The following GRID2 variants were observed in gnomAD, a reference collection of about 807,000 sequenced individuals.
GRID2 encodes glutamate ionotropic receptor delta type subunit 2.
A neutral mutation model predicts 114.8 loss-of-function variants in GRID2; 33 were observed. The observed-to-expected ratio is 0.29, with a 90% CI of 0.22 to 0.38. The LOEUF (loss-of-function observed/expected upper bound fraction) is 0.38. GRID2 is among the 10% of genes least tolerant of loss of function. The pLI, the probability that GRID2 is intolerant of heterozygous loss-of-function variation, is 1.00. For missense variants in GRID2, 1,184 were observed against 1,257.7 expected, an observed-to-expected ratio of 0.94 and a Z score of 0.89; for synonymous variants, 505 against 449.9, an observed-to-expected ratio of 1.12 and a Z score of -1.55.
At chr4:93,479,494 G>T (rs184847675) in intron 11 of GRID2, among the ~76,000 whole-genome samples, 205 of 152,178 alleles carry the variant, frequency 1.3e-3, no homozygotes, top group African/African-American at 4.7e-3. Flanking sequence ...GCAACCTAGA[G>T]ATTCTGAAAC....
chr4:92,656,201 G>A (rs1217268426), intron 2 of GRID2, among the ~76,000 whole-genome samples: 1 of 151,644 alleles, frequency 6.6e-6, no homozygotes, highest in Non-Finnish European at 1.5e-5. Flanking sequence ...ACACTGACTA[G>A]CTTTTGTATT....
chr4:93,072,605 T>A (rs2149306749), intron 2 of GRID2, among the ~76,000 whole-genome samples: 1 of 152,024 alleles, frequency 6.6e-6, no homozygotes, highest in East Asian at 1.9e-4. Flanking sequence ...TTTATGTGGA[T>A]TTTTTCAATA....
At chr4:92,986,326 TAAAG>T (rs1052859151) in intron 2 of GRID2, among the ~76,000 whole-genome samples, 3 of 152,132 alleles carry the variant, frequency 2.0e-5, no homozygotes, top group East Asian at 1.9e-4. Flanking sequence ...ATATTTTCAA[TAAAG>T]AGTCTATTTT....
Position 92,837,043 on chromosome 4 carries a change from C to T in GRID2, c.244+246757C>T, listed in dbSNP as rs144331081. ...CTGCACAGAAGGCCAATGACTGAGA[C>T]TGTGAGAGTATTGCCAAGGAAGTGC... On this transcript the variant is annotated intron_variant, in intron 2 of 15. Coordinates refer to ENST00000282020, the MANE Select transcript of GRID2 (RefSeq NM_001510.4). Among the ~76,000 whole-genome samples, 874 of 152,180 alleles carry T rather than the reference C, an allele frequency of 5.7e-3. 16 individuals carry two copies. Among genetic ancestry groups the T allele is most frequent in the African/African-American group, 0.02 (831 of 41,536 alleles).
At chr4:92,693,179 A>G (rs1012728595) in intron 2 of GRID2, among the ~76,000 whole-genome samples, 2 of 152,068 alleles carry the variant, frequency 1.3e-5, no homozygotes, top group Admixed American at 6.6e-5. Context: ...AGACTTCAAA[A>G]TGGAAACAAC....
chr4:92,358,992 A>C (rs1395871547), intron 1 of GRID2, among the ~76,000 whole-genome samples: 1 of 151,982 alleles, frequency 6.6e-6, no homozygotes, highest in African/African-American at 2.4e-5. Context: ...AAAGCCTTAC[A>C]TAGGCAACAT....
At chr4:92,438,668 T>C (rs1191116285) in intron 1 of GRID2, among the ~76,000 whole-genome samples, 1 of 152,064 alleles carries the variant, frequency 6.6e-6, no homozygotes, top group Non-Finnish European at 1.5e-5. Context: ...CAACTCTTCG[T>C]TGGCTACCAT....
At chr4:92,413,644 G>A (rs1234626521) in intron 1 of GRID2, among the ~76,000 whole-genome samples, 1 of 152,108 alleles carries the variant, frequency 6.6e-6, no homozygotes, top group Non-Finnish European at 1.5e-5. Flanking sequence ...ATTCCAAAAG[G>A]ATGGGATGAG....
At chr4:92,347,832 G>C (rs373625396) in intron 1 of GRID2, among the ~76,000 whole-genome samples, 1 of 152,040 alleles carries the variant, frequency 6.6e-6, no homozygotes, top group Non-Finnish European at 1.5e-5. Flanking sequence ...TCATACATTA[G>C]TGCATTAATA....
chr4:92,744,911 A>C lies in GRID2; in HGVS notation c.244+154625A>C, dbSNP rs556194609. Among the ~76,000 whole-genome samples, 19 of 152,266 alleles carry C rather than the reference A, an allele frequency of 1.2e-4. No individual in the cohort carries two copies. The East Asian group carries it at 2.9e-3, about 23-fold the overall frequency. ...GTCTGGGTACAGTGCTTTGTAGCAA[A>C]GGGAAGGGCTAATTTAGCACTGTTG... On this transcript the variant is annotated intron_variant, in intron 2 of 15. Coordinates refer to ENST00000282020, the MANE Select transcript of GRID2 (RefSeq NM_001510.4).
At chr4:92,473,964 TTGTGTGTGTGTGTG>T (rs59328379) in intron 1 of GRID2, among the ~76,000 whole-genome samples, 157 of 144,438 alleles carry the variant, frequency 1.1e-3, no homozygotes, top group African/African-American at 3.8e-3. Context: ...GTTATCTTGG[TTGTGTGTGTGTGTG>T]TGTGTGTGTG....
At chr4:92,642,622 TTTG>T (rs910998429) in intron 2 of GRID2, among the ~76,000 whole-genome samples, 8 of 151,734 alleles carry the variant, frequency 5.3e-5, no homozygotes, top group Admixed American at 1.3e-4. Context: ...TGTTGTTGTT[TTTG>T]TTGTTTTTTT....
intron 2 of GRID2, among the ~76,000 whole-genome samples, chr4:93,013,244 G>A (rs148091032): frequency 6.6e-6 from 1 of 152,090 alleles, no homozygotes; most frequent in African/African-American, 2.4e-5. Context: ...GGATGATCTC[G>A]AGAGATGGTA....
chr4:93,359,770 G>C (rs1269774025), intron 8 of GRID2, among the ~76,000 whole-genome samples: 2 of 129,918 alleles, frequency 1.5e-5, no homozygotes, highest in African/African-American at 2.8e-5. Context: ...ATCATGGATA[G>C]CGCTACTGTT....
At chr4:92,875,871 A>T (rs763744215) in intron 2 of GRID2, among the ~76,000 whole-genome samples, 2 of 152,202 alleles carry the variant, frequency 1.3e-5, no homozygotes, top group Non-Finnish European at 1.5e-5. Context: ...AAGACTTACA[A>T]CATGTGTAAG....
chr4:93,005,920 C>T (rs1048037889), intron 2 of GRID2, among the ~76,000 whole-genome samples: 17 of 152,074 alleles, frequency 1.1e-4, no homozygotes, highest in Admixed American at 2.0e-4. Context: ...TTACATCTCC[C>T]ATTTTAACCA....
chr4:92,385,459 T>C (rs1444131450), intron 1 of GRID2, among the ~76,000 whole-genome samples: 2 of 151,786 alleles, frequency 1.3e-5, no homozygotes, highest in Non-Finnish European at 2.9e-5. Context: ...CTCATGCTTA[T>C]ATAGTCTAAG....
chr4:92,623,555 G>A (rs1730378402), intron 2 of GRID2, among the ~76,000 whole-genome samples: 1 of 151,818 alleles, frequency 6.6e-6, no homozygotes, highest in Non-Finnish European at 1.5e-5. Flanking sequence ...ATAAGAATTT[G>A]AGTGGAATAA....
intron 2 of GRID2, among the ~76,000 whole-genome samples, chr4:92,832,240 G>T (rs1742151914): frequency 6.6e-6 from 1 of 151,950 alleles, no homozygotes; most frequent in Admixed American, 6.6e-5. Context: ...AGGAGTTGGA[G>T]ACCAGCCTGG....
Sources: gnomAD v4.1 joint callset for allele counts (sites outside exome capture counted in the v4.1 genomes callset) on GRCh38, gnomAD v4.1.1 for gene constraint, MANE v1.5 for transcripts, NCBI Gene and HGNC (gene_info 2026-07-23, HGNC 2026-07-21) for gene names.